The following PIGZ variants were observed in gnomAD, a reference collection of about 807,000 sequenced individuals.
PIGZ encodes phosphatidylinositol glycan anchor biosynthesis class Z (Gwada blood group).
Under a neutral mutation model 16.4 loss-of-function variants are expected in PIGZ, and 16 were observed. That is an observed-to-expected ratio of 0.97 (90% CI 0.66 to 1.48). The LOEUF is 1.48. Ranked by LOEUF, PIGZ falls within the 40% of genes most tolerant of loss-of-function variation. PIGZ has a pLI of 0.00. For synonymous variants in PIGZ, 409 were observed against 338.4 expected (o/e 1.21, Z -2.29); for missense variants, 770 against 739.2 (o/e 1.04, Z -0.48).
chr3:196,947,927 G>A lies in PIGZ; in HGVS notation c.970C>T (p.Leu324=), dbSNP rs1404665387. 1.2e-6 allele frequency: 2 copies of A among 1,613,868 alleles called. No individual in the cohort carries two copies. Among genetic ancestry groups the A allele is most frequent in the South Asian group, 2.2e-5 (2 of 91,064 alleles). Residue 324 remains leucine (L), a synonymous_variant, in exon 3 of 3, where the codon CTG becomes TTG. Coordinates refer to ENST00000412723, the MANE Select transcript of PIGZ (RefSeq NM_025163.4). The part of the protein sequence containing the change: ...RLTHLAVNGF[L]LFGVLHAQAL... The stretch of plus-strand genomic sequence containing the variant: ...TGGGCATGCAGCACCCCGAAGAGCA[G>A]GAAGCCGTTGACTGCCAGGTGAGTG...
At chr3:196,962,350 C>A (rs966259947) in intron 1 of PIGZ, among the ~76,000 whole-genome samples, 1 of 152,138 alleles carries the variant, frequency 6.6e-6, no homozygotes, top group Non-Finnish European at 1.5e-5. Flanking sequence ...GCCATGGGGA[C>A]CTCTGCCCAA....
intron 1 of PIGZ, among the ~76,000 whole-genome samples, chr3:196,954,695 G>A (rs1229874133): frequency 6.6e-6 from 1 of 152,160 alleles, no homozygotes; most frequent in East Asian, 1.9e-4. Context: ...AGTATTAACT[G>A]TACACTGCAA....
Position 196,946,873 on chromosome 3 carries a change from G to GCCTGTCTGTTCC in PIGZ, c.*283_*284insGGAACAGACAGG. 1 of 365,794 alleles carries GCCTGTCTGTTCC rather than the reference G, an allele frequency of 2.7e-6. No individual in the cohort carries two copies. The highest frequency in any genetic ancestry group is 4.5e-5 in the East Asian group (1 of 22,284). 22.7% of individuals were successfully genotyped at this position (365,794 alleles called of 1,614,324 possible). ...ACTATCACATATTTCAAACATCACA[G>GCCTGTCTGTTCC]TGGCTGGAAGCAACAGGGCAGGAAC... is the stretch of plus-strand genomic sequence containing the variant. On this transcript the variant is annotated 3_prime_UTR_variant, in exon 3 of 3. Transcript: ENST00000412723.
At chr3:196,958,206 G>A (rs1342240830) in intron 1 of PIGZ, among the ~76,000 whole-genome samples, 1 of 144,994 alleles carries the variant, frequency 6.9e-6, no homozygotes, top group African/African-American at 2.6e-5. Context: ...CTTTCCACTT[G>A]TGTCCTGTTT....
chr3:196,967,366 A>C (rs989038602), intron 1 of PIGZ, among the ~76,000 whole-genome samples: 3 of 152,152 alleles, frequency 2.0e-5, no homozygotes, highest in Non-Finnish European at 2.9e-5. Context: ...CATTCCAAGA[A>C]AGGTCCGTAC....
chr3:196,954,102 GC>G (rs1717391386), intron 1 of PIGZ, among the ~76,000 whole-genome samples: 1 of 152,018 alleles, frequency 6.6e-6, no homozygotes, highest in Non-Finnish European at 1.5e-5. Context: ...GGCCAACATG[GC>G]AAAAACCTGT....
In PIGZ at chr3:196,965,327, C is replaced by T. The variant is rs1005332730; in HGVS notation, c.-1+3360G>A. On this transcript the variant is annotated intron_variant, in intron 1 of 2. Coordinates refer to ENST00000412723, the MANE Select transcript of PIGZ (RefSeq NM_025163.4). This position sits in a 1 kb window ranked among gnomAD's most constrained non-coding sequence, Gnocchi z 4.2. ...GAGTGTGAGTGGAGGAAATGACGGA[C>T]GCTTATGGAACCATCAGATCTCATG... 1.2e-4 allele frequency among the ~76,000 whole-genome samples: 18 copies of T among 152,114 alleles called. No homozygotes were observed. The highest frequency in any genetic ancestry group is 3.9e-4 in the African/African-American group (16 of 41,414).
In PIGZ at chr3:196,947,493, G is replaced by GA. The variant is rs764050880; in HGVS notation, c.1403_1404insT (p.Arg470ProfsTer22). The GA allele has an allele frequency of 6.2e-7, 1 of 1,613,692 alleles. No homozygotes were observed. Among genetic ancestry groups the GA allele is most frequent in the Non-Finnish European group, 8.5e-7 (1 of 1,179,992 alleles). ...CTGGGAGGTGTAGGAGGTGCCGGGG[G>GA]GGCATGTAGGTGTGAGTGAAGAGGA... On this transcript the variant is annotated frameshift_variant, in exon 3 of 3. Coordinates refer to ENST00000412723, the MANE Select transcript of PIGZ (RefSeq NM_025163.4). LOFTEE classifies it high-confidence loss of function.
At chr3:196,962,206 T>C (rs1717748330) in intron 1 of PIGZ, among the ~76,000 whole-genome samples, 2 of 152,354 alleles carry the variant, frequency 1.3e-5, no homozygotes, top group South Asian at 4.1e-4. Context: ...ATGCGCTGTA[T>C]TGACTCAAGG....
At chr3:196,959,053 C>T (rs495253) in intron 1 of PIGZ, among the ~76,000 whole-genome samples, 14,784 of 152,216 alleles carry the variant, frequency 0.097, 1,030 homozygotes, top group Non-Finnish European at 0.13. Context: ...GAGCTGGGCT[C>T]CAGAAGAACG....
At chr3:196,949,264 AT>A (rs897420549) in intron 2 of PIGZ, among the ~76,000 whole-genome samples, 59 of 152,076 alleles carry the variant, frequency 3.9e-4, no homozygotes, top group African/African-American at 1.3e-3. Flanking sequence ...TAGGTTACTT[AT>A]ACAGGAGCAC....
chr3:196,968,244 A>G (rs1718013976), intron 1 of PIGZ, among the ~76,000 whole-genome samples: 3 of 152,180 alleles, frequency 2.0e-5, no homozygotes, highest in Admixed American at 2.0e-4. Flanking sequence ...CTTCGTGCTC[A>G]GAGCTTTGCA....
chr3:196,948,882 TTC>T (rs1717087747), intron 2 of PIGZ, among the ~76,000 whole-genome samples, 197 bp from the exon 3 acceptor site: 5 of 26,500 alleles, frequency 1.9e-4, no homozygotes, highest in African/African-American at 1.2e-3. Flanking sequence ...CTTCCTTCCC[TTC>T]CTTCCCCTTC....
At chr3:196,951,529 G>A (rs980415862) in intron 2 of PIGZ, 3 of 449,516 alleles carry the variant, frequency 6.7e-6, no homozygotes, top group South Asian at 2.5e-5. Flanking sequence ...GTTCCCATGG[G>A]AAGTCCAACA....
Position 196,946,498 on chromosome 3 carries a change from C to T in PIGZ, c.*659G>A, listed in dbSNP as rs1191020572. On this transcript the variant is annotated 3_prime_UTR_variant, in exon 3 of 3. Coordinates refer to ENST00000412723, the MANE Select transcript of PIGZ (RefSeq NM_025163.4). ...TTTGTGAGAGCTGTGCCTGTTGAGG[C>T]AGGGGACGTGTACTGTGGACTCCAG... The T allele has an allele frequency of 3.3e-5, 5 of 152,250 alleles. No homozygotes were observed. The highest frequency in any genetic ancestry group is 1.3e-4 in the Admixed American group (2 of 15,282). The allele number at this position is 152,250 out of a possible 1,614,324, so 9.4% of individuals were successfully genotyped here. A position where few individuals can be genotyped will look rare whatever the true frequency, so the allele number is the denominator to read the frequency against.
rs9877347 is a variant in PIGZ, at chr3:196,965,796, A to G, written c.-1+2891T>C. ...ACCAGTGTGTCATATAACAGCAATCATTTTCTGTGGATGAATAATGAGGGA... is the reference window on the plus strand; with the variant it reads ...ACCAGTGTGTCATATAACAGCAATCGTTTTCTGTGGATGAATAATGAGGGA... On this transcript the variant is annotated intron_variant, in intron 1 of 2. Coordinates refer to ENST00000412723, the MANE Select transcript of PIGZ (RefSeq NM_025163.4). This position sits in a 1 kb window ranked among gnomAD's most constrained non-coding sequence, Gnocchi z 4.2. Among the ~76,000 whole-genome samples the G allele has an allele frequency of 3.9e-3, 594 of 152,190 alleles. 6 individuals carry two copies. Among genetic ancestry groups the G allele is most frequent in the African/African-American group, 0.014 (565 of 41,526 alleles).
At chr3:196,964,044 T>TTA (rs10650839) in intron 1 of PIGZ, among the ~76,000 whole-genome samples, 4,054 of 151,346 alleles carry the variant, frequency 0.027, 77 homozygotes, top group African/African-American at 0.054. Context: ...TTATTTTTAT[T>TTA]TTTATTTATT....
At chr3:196,954,260 G>A (rs1399539864) in intron 1 of PIGZ, among the ~76,000 whole-genome samples, 1 of 151,844 alleles carries the variant, frequency 6.6e-6, no homozygotes, top group Non-Finnish European at 1.5e-5. Context: ...ACCCTAGCCT[G>A]GAGGACAGAG....
chr3:196,954,170 A>G (rs1247269388), intron 1 of PIGZ, among the ~76,000 whole-genome samples: 2 of 152,142 alleles, frequency 1.3e-5, no homozygotes, highest in Non-Finnish European at 2.9e-5. Context: ...CTGTAATCCC[A>G]GCTACTCGGG....
Sources: allele counts gnomAD v4.1 joint callset (sites outside exome capture counted in the v4.1 genomes callset), GRCh38; gene constraint gnomAD v4.1.1; non-coding constraint Gnocchi (gnomAD v3.1); transcripts MANE v1.5; gene names NCBI Gene and HGNC (gene_info 2026-07-23, HGNC 2026-07-21).